The following HMGCS1 variants were observed in gnomAD, a reference collection of about 807,000 sequenced individuals.
HMGCS1 encodes 3-hydroxy-3-methylglutaryl-CoA synthase 1, also known as hydroxymethylglutaryl-CoA synthase, cytoplasmic.
HMGCS1 carries 9 observed loss-of-function variants against 52.3 expected under a neutral mutation model. The ratio of observed to expected loss-of-function variants is 0.17; its 90% CI spans 0.10 to 0.30. The LOEUF (loss-of-function observed/expected upper bound fraction) is 0.30, where lower values mean the gene tolerates loss of function less well. HMGCS1 is among the 10% of genes least tolerant of loss of function. HMGCS1 has a pLI of 1.00. For synonymous variants in HMGCS1, 176 were observed against 214.4 expected (o/e 0.82, Z 1.57); for missense variants, 320 against 620.9 (o/e 0.52, Z 5.15).
At chr5:43,293,067 AC>A in intron 8 of HMGCS1, 94 bp from the exon 9 acceptor site, 1 of 1,030,582 alleles carries the variant, frequency 9.7e-7, no homozygotes, top group South Asian at 1.4e-5. Context: ...AGGCAAAACA[AC>A]TTTTCATTTT....
In HMGCS1 at chr5:43,288,153, C is replaced by A. The variant is rs1478436; in HGVS notation, c.*2978G>T. On this transcript the variant is annotated 3_prime_UTR_variant, in exon 11 of 11. Coordinates refer to ENST00000325110, the MANE Select transcript of HMGCS1 (RefSeq NM_001098272.3). ...AATAAAGTAGTCCAGGAAAGACATT[C>A]TTTTTAATATTAAAAGATAAAGCCC... The A allele has an allele frequency of 0.056, 8,525 of 152,154 alleles. 510 individuals are homozygous for A. Among genetic ancestry groups the A allele is most frequent in the African/African-American group, 0.16 (6,480 of 41,470 alleles). 9.4% of individuals were successfully genotyped at this position (152,154 alleles called of 1,614,324 possible).
intron 2 of HMGCS1, among the ~76,000 whole-genome samples, chr5:43,306,648 C>T (rs1290230519): frequency 6.6e-6 from 1 of 152,176 alleles, no homozygotes; most frequent in Non-Finnish European, 1.5e-5. Flanking sequence ...TATGTTTTCT[C>T]AAATATTCCA....
chr5:43,294,199 G>T, intron 7 of HMGCS1, 37 bp from the exon 8 acceptor site: 1 of 1,267,872 alleles, frequency 7.9e-7, no homozygotes, highest in Non-Finnish European at 1.2e-6. Context: ...AAGTTTAACT[G>T]ATCCAAAGCT....
At chr5:43,310,440 C>G (rs1337516462) in intron 1 of HMGCS1, among the ~76,000 whole-genome samples, 3 of 152,184 alleles carry the variant, frequency 2.0e-5, no homozygotes, top group Non-Finnish European at 2.9e-5. Context: ...ATACAGGATT[C>G]CTACACTTCT....
chr5:43,313,139 C>T (rs540423139), intron 1 of HMGCS1: 2 of 152,562 alleles, frequency 1.3e-5, no homozygotes, highest in South Asian at 4.1e-4. Context: ...CTCGGATCTT[C>T]TCAGATCCGC....
intron 8 of HMGCS1, 32 bp downstream of exon 8, chr5:43,294,024 A>G: frequency 1.4e-6 from 2 of 1,397,086 alleles, no homozygotes; most frequent in Non-Finnish European, 2.0e-6. Context: ...CTCAGTTCTC[A>G]ATACATTCTT....
At chr5:43,312,726 G>A (rs1754933112) in intron 1 of HMGCS1, among the ~76,000 whole-genome samples, 1 of 152,154 alleles carries the variant, frequency 6.6e-6, no homozygotes, top group Admixed American at 6.5e-5. Flanking sequence ...GAAGGCGGGA[G>A]GCAGTGATCT....
In HMGCS1 at chr5:43,292,980, T is replaced by C; in HGVS notation, c.1184-7A>G. 5.1e-6 allele frequency: 8 copies of C among 1,575,450 alleles called. No homozygotes were observed. The highest frequency in any genetic ancestry group is 6.0e-6 in the Non-Finnish European group (7 of 1,166,550). ...ATTTTATCAAGAGCAGACCCTAAAA[T>C]AGTGAATAATTCAACATTAAAAGAT... On this transcript the variant is annotated splice_polypyrimidine_tract_variant and splice_region_variant and intron_variant, in intron 8 of 10. Coordinates refer to ENST00000325110, the MANE Select transcript of HMGCS1 (RefSeq NM_001098272.3).
At position 43,293,121 on chromosome 5, in the gene HMGCS1, T is replaced by C. The variant is rs113325454; in HGVS notation, c.1184-148A>G. On this transcript the variant is annotated intron_variant, in intron 8 of 10. Transcript: ENST00000325110. ...ACTGATTAGTTAAAAGATAAGATGA[T>C]ACCTATTTGACAAATCTCCTATGAT... The C allele has an allele frequency of 9.4e-6, 6 of 639,780 alleles. 1 individual carries two copies. Among genetic ancestry groups the C allele is most frequent in the Middle Eastern group, 4.2e-4 (1 of 2,406 alleles). The allele number at this position is 639,780 out of a possible 1,614,324, so 39.6% of individuals were successfully genotyped here.
intron 1 of HMGCS1, among the ~76,000 whole-genome samples, chr5:43,311,306 C>T (rs536548152): frequency 6.1e-5 from 8 of 131,338 alleles, no homozygotes; most frequent in African/African-American, 1.2e-4. Context: ...GGCGACAGAG[C>T]GAGATTCTGT....
At position 43,289,198 on chromosome 5, in the gene HMGCS1, A is replaced by G. The variant is rs1296410623; in HGVS notation, c.*1933T>C. ...CAGCTCCTTAAAGACAAGACCATAT[A>G]TCTTGTACATTTTCAAATTTCTGCC... On this transcript the variant is annotated 3_prime_UTR_variant, in exon 11 of 11. Coordinates refer to ENST00000325110, the MANE Select transcript of HMGCS1 (RefSeq NM_001098272.3). 6.6e-6 allele frequency: 1 copy of G among 152,232 alleles called. No homozygotes were observed. Among genetic ancestry groups the G allele is most frequent in the Non-Finnish European group, 1.5e-5 (1 of 68,034 alleles). The allele number at this position is 152,232 out of a possible 1,614,324, so 9.4% of individuals were successfully genotyped here.
At chr5:43,302,089 C>A (rs751203955) in intron 2 of HMGCS1, among the ~76,000 whole-genome samples, 1 of 152,206 alleles carries the variant, frequency 6.6e-6, no homozygotes, top group Non-Finnish European at 1.5e-5. Flanking sequence ...TGCTTTCGTT[C>A]CTGTCATTTC....
intron 10 of HMGCS1, among the ~76,000 whole-genome samples, chr5:43,291,807 T>A (rs1753780275): frequency 2.6e-5 from 4 of 152,096 alleles, no homozygotes; most frequent in Admixed American, 1.3e-4. Flanking sequence ...TAGCTATGAT[T>A]GTTACTTCTT....
intron 1 of HMGCS1, among the ~76,000 whole-genome samples, chr5:43,308,142 C>A (rs1473556755): frequency 6.6e-6 from 1 of 152,068 alleles, no homozygotes; most frequent in African/African-American, 2.4e-5. Context: ...AGGCTTTAAA[C>A]CAAGGTTTTC....
In HMGCS1 at chr5:43,295,745, CT is replaced by C; in HGVS notation, c.905+6del. The C allele has an allele frequency of 1.2e-6, 2 of 1,604,412 alleles. No individual in the cohort carries two copies. The highest frequency in any genetic ancestry group is 8.5e-7 in the Non-Finnish European group (1 of 1,174,718). ...AGAAGGAAAAAACTCATAATAGCTC[CT>C]CTTACCCAAAGGCTTCCAGGCCACT... On this transcript the variant is annotated splice_donor_region_variant and intron_variant, in intron 6 of 10. Transcript: ENST00000325110.
At position 43,291,160 on chromosome 5, in the gene HMGCS1, C is replaced by T. The variant is rs1753746368; in HGVS notation, c.1534G>A (p.Ala512Thr). The T allele has an allele frequency of 1.3e-6, 2 of 1,490,082 alleles. No homozygotes were observed. Among genetic ancestry groups the T allele is most frequent in the Admixed American group, 1.8e-5 (1 of 55,814 alleles). 92.3% of individuals were successfully genotyped at this position (1,490,082 alleles called of 1,614,324 possible). ...TGTTCCCCATTACTAATGACAGCTG[C>T]TTCAGGTTCTGCTGCTGTGGCAGGG... ...RLPATAAEPE[A>T]AVISNGEH Residue 512 changes from alanine to threonine, a missense_variant, in exon 11 of 11, where the codon GCA becomes ACA. Ala to Thr is a moderately conservative substitution (Grantham distance 58). Transcript: ENST00000325110.
At chr5:43,299,524 C>T (rs1053904231) in intron 2 of HMGCS1, among the ~76,000 whole-genome samples, 9 of 151,996 alleles carry the variant, frequency 5.9e-5, no homozygotes, top group Non-Finnish European at 1.3e-4. Context: ...GTGGCAGATG[C>T]CTGTAGCCCC....
intron 2 of HMGCS1, among the ~76,000 whole-genome samples, chr5:43,303,849 G>A (rs1363583153): frequency 3.3e-5 from 5 of 152,222 alleles, no homozygotes; most frequent in Admixed American, 6.5e-5. Flanking sequence ...AAGACCTAAA[G>A]CTGAGGAGGG....
rs1034517444 is a variant in HMGCS1, at chr5:43,287,812, CAA to C, written c.*3317_*3318del. On this transcript the variant is annotated 3_prime_UTR_variant, in exon 11 of 11. Coordinates refer to ENST00000325110, the MANE Select transcript of HMGCS1 (RefSeq NM_001098272.3). ...AAGTGAAAGGTATACAGCTAGAATC[CAA>C]AGAGAGGTACTATCATATTCTCTGA... 1 of 152,176 alleles carries C rather than the reference CAA, an allele frequency of 6.6e-6. No individual in the cohort carries two copies. Among genetic ancestry groups the C allele is most frequent in the African/African-American group, 2.4e-5 (1 of 41,412 alleles). The allele number at this position is 152,176 out of a possible 1,614,324, so 9.4% of individuals were successfully genotyped here.
Sources: gnomAD v4.1 joint callset for allele counts (sites outside exome capture counted in the v4.1 genomes callset) on GRCh38, gnomAD v4.1.1 for gene constraint, MANE v1.5 for transcripts, NCBI Gene and HGNC (gene_info 2026-07-23, HGNC 2026-07-21) for gene names.